The following AK8 variants were observed in gnomAD, a reference collection of about 807,000 sequenced individuals.
AK8 encodes adenylate kinase 8.
Under a neutral mutation model 54.6 loss-of-function variants are expected in AK8, and 44 were observed. That is an observed-to-expected ratio of 0.81 (90% CI 0.63 to 1.04). The LOEUF (loss-of-function observed/expected upper bound fraction) is 1.04, where lower values mean the gene tolerates loss of function less well. Among genes scored for constraint, AK8 ranks in the 50% least tolerant of loss-of-function variants. AK8 has a pLI of 0.00. For synonymous variants in AK8, 239 were observed against 245.6 expected (o/e 0.97, Z 0.25); for missense variants, 555 against 613.6 (o/e 0.90, Z 1.01).
intron 11 of AK8, among the ~76,000 whole-genome samples, chr9:132,728,227 C>T (rs1335305067): frequency 2.6e-5 from 4 of 152,228 alleles, no homozygotes; most frequent in African/African-American, 9.6e-5. Flanking sequence ...TCACCAGGGA[C>T]AGATGCGGGA....
intron 9 of AK8, among the ~76,000 whole-genome samples, chr9:132,821,383 T>G (rs543422674): frequency 6.6e-6 from 1 of 152,266 alleles, no homozygotes; most frequent in African/African-American, 2.4e-5. Context: ...CTAACACTGC[T>G]GGAAATTTCA....
In AK8 at chr9:132,750,006, G is replaced by A. The variant is rs138295377; in HGVS notation, c.1122-22472C>T. ...CTAGAGATACTGACAGCACACTCTT[G>A]GAGATACTGACAGCACACTTATATT... is the stretch of plus-strand genomic sequence containing the variant. On this transcript the variant is annotated intron_variant, in intron 11 of 12. Coordinates refer to ENST00000298545, the MANE Select transcript of AK8 (RefSeq NM_152572.3). Among the ~76,000 whole-genome samples the A allele has an allele frequency of 1.7e-4, 25 of 145,396 alleles. No individual in the cohort carries two copies. The South Asian group carries it at 2.2e-3, about 13-fold the overall frequency.
intron 5 of AK8, among the ~76,000 whole-genome samples, chr9:132,834,459 A>C (rs181115638): frequency 6.6e-6 from 1 of 152,358 alleles, no homozygotes. Flanking sequence ...TTTATCTCAA[A>C]GTTGAATCCC....
At chr9:132,847,331 G>A (rs1170525559) in intron 5 of AK8, among the ~76,000 whole-genome samples, 1 of 152,222 alleles carries the variant, frequency 6.6e-6, no homozygotes, top group Non-Finnish European at 1.5e-5. Context: ...TCTCCACCGG[G>A]CCTTTCGTTT....
intron 10 of AK8, among the ~76,000 whole-genome samples, chr9:132,794,938 G>A (rs995483580): frequency 3.3e-5 from 5 of 152,148 alleles, no homozygotes; most frequent in East Asian, 1.9e-4. Context: ...CCGCATTTAC[G>A]ATTCTGGCAC....
intron 11 of AK8, among the ~76,000 whole-genome samples, chr9:132,760,237 G>A (rs1010319523): frequency 1.4e-4 from 21 of 151,214 alleles, no homozygotes; most frequent in African/African-American, 4.9e-4. Context: ...AGGCTGCAGT[G>A]CAGTGGAATG....
intron 11 of AK8, among the ~76,000 whole-genome samples, chr9:132,761,912 C>T (rs192404187): frequency 2.4e-4 from 37 of 151,958 alleles, no homozygotes; most frequent in African/African-American, 8.5e-4. Context: ...TTCTGTAGCT[C>T]AGGCTGGAGT....
chr9:132,846,503 AGATGAATGAATGAATG>A (rs1385578928), intron 5 of AK8, among the ~76,000 whole-genome samples: 6 of 131,286 alleles, frequency 4.6e-5, no homozygotes, highest in Non-Finnish European at 6.4e-5. Flanking sequence ...ATGAGAGAAT[AGATGAATGAATGAATG>A]AATGAATGAA....
chr9:132,811,453 C>T (rs542213194), intron 10 of AK8, among the ~76,000 whole-genome samples: 32 of 152,314 alleles, frequency 2.1e-4, no homozygotes, highest in African/African-American at 7.5e-4. Context: ...GGGCCACGAG[C>T]CAAAGCATGG....
intron 2 of AK8, among the ~76,000 whole-genome samples, chr9:132,867,976 G>A (rs532646200): frequency 1.3e-5 from 2 of 152,324 alleles, no homozygotes; most frequent in South Asian, 4.1e-4. Context: ...AACAGCAGTG[G>A]GGTCTGGACA....
intron 11 of AK8, among the ~76,000 whole-genome samples, chr9:132,762,741 T>C (rs1224448901): frequency 6.6e-6 from 1 of 152,034 alleles, no homozygotes; most frequent in African/African-American, 2.4e-5. Flanking sequence ...CTGTCTCTAC[T>C]AAAAATACAA....
chr9:132,772,844 C>T (rs1343521827), intron 11 of AK8, among the ~76,000 whole-genome samples: 1 of 152,146 alleles, frequency 6.6e-6, no homozygotes, highest in African/African-American at 2.4e-5. Context: ...ACCAATTCTA[C>T]CTTCAAAAGA....
intron 4 of AK8, among the ~76,000 whole-genome samples, chr9:132,856,589 A>G (rs1352003234): frequency 1.3e-5 from 2 of 152,108 alleles, no homozygotes; most frequent in African/African-American, 4.8e-5. Flanking sequence ...GTCCAAGCCA[A>G]TCTGCACACC....
At chr9:132,807,194 G>A (rs112558194) in intron 10 of AK8, among the ~76,000 whole-genome samples, 2 of 152,174 alleles carry the variant, frequency 1.3e-5, no homozygotes, top group Non-Finnish European at 2.9e-5. Context: ...ATGCTGGGGG[G>A]GGCGGGGCCA....
chr9:132,878,395 C>G, upstream of AK8: 4 of 1,242,540 alleles, frequency 3.2e-6, 1 homozygote, highest in Middle Eastern at 6.3e-4. The surrounding 1 kb of genome is among the most constrained non-coding windows in gnomAD (Gnocchi z 4.7). Flanking sequence ...GCGCGGGTCG[C>G]CCCCGCCCCG....
chr9:132,878,284 T>A lies in AK8; in HGVS notation c.-29A>T. Reference sequence around the variant, plus strand: ...GCCGTCTCGGCTCGCCGCTCCCTAGTAACCGCGTCGCTAGGGCCGCCGCGC... The same window carrying A: ...GCCGTCTCGGCTCGCCGCTCCCTAGAAACCGCGTCGCTAGGGCCGCCGCGC... On this transcript the variant is annotated 5_prime_UTR_variant, in exon 1 of 13. Transcript: ENST00000298545. The surrounding 1 kb of genome is among the most constrained non-coding windows in gnomAD (Gnocchi z 4.7). The A allele has an allele frequency of 1.5e-6, 2 of 1,336,852 alleles. No individual in the cohort carries two copies. Among genetic ancestry groups the A allele is most frequent in the Non-Finnish European group, 1.9e-6 (2 of 1,036,018 alleles). 82.8% of individuals were successfully genotyped at this position (1,336,852 alleles called of 1,614,324 possible).
intron 10 of AK8, among the ~76,000 whole-genome samples, chr9:132,797,460 G>A (rs751089487): frequency 1.5e-4 from 23 of 152,110 alleles, no homozygotes; most frequent in African/African-American, 5.3e-4. Flanking sequence ...CAAGGGAGAC[G>A]CTTCCTCTCA....
At chr9:132,737,409 C>T (rs922927688) in intron 11 of AK8, among the ~76,000 whole-genome samples, 1 of 152,118 alleles carries the variant, frequency 6.6e-6, no homozygotes, top group East Asian at 1.9e-4. Flanking sequence ...TTCCTTGATA[C>T]CAAAAACCAG....
In AK8 at chr9:132,862,419, C is replaced by T. The variant is rs549168152; in HGVS notation, c.333+1246G>A. ...CTTGACTCACTGCAACCTCAGCCTC[C>T]TGGGTTTGAGCAATTCTCCTGCCTC... On this transcript the variant is annotated intron_variant, in intron 4 of 12. Transcript: ENST00000298545. Among the ~76,000 whole-genome samples, 7 of 152,128 alleles carry T rather than the reference C, an allele frequency of 4.6e-5. No homozygotes were observed. The South Asian group carries it at 1.2e-3, about 27-fold the overall frequency.
Sources: allele counts gnomAD v4.1 joint callset (sites outside exome capture counted in the v4.1 genomes callset), GRCh38; gene constraint gnomAD v4.1.1; non-coding constraint Gnocchi (gnomAD v3.1); transcripts MANE v1.5; gene names NCBI Gene and HGNC (gene_info 2026-07-23, HGNC 2026-07-21).